The following ITGB8 variants were observed in gnomAD, a reference collection of about 807,000 sequenced individuals.
ITGB8 encodes the protein integrin subunit beta 8.
In ITGB8, 30 loss-of-function variants were observed where a neutral mutation model predicts 89.5. That is an observed-to-expected ratio of 0.34 (90% CI 0.25 to 0.45). The LOEUF (loss-of-function observed/expected upper bound fraction) is 0.45. ITGB8 is among the 20% of genes least tolerant of loss of function. The pLI, the probability that ITGB8 is intolerant of heterozygous loss-of-function variation, is 1.00. For missense variants in ITGB8, 836 were observed against 933.3 expected, an observed-to-expected ratio of 0.90 and a Z score of 1.36; for synonymous variants, 335 against 320.4, an observed-to-expected ratio of 1.05 and a Z score of -0.49.
intron 12 of ITGB8, 84 bp from the exon 13 acceptor site, chr7:20,409,531 G>T: frequency 1.2e-6 from 1 of 838,850 alleles, no homozygotes; most frequent in South Asian, 2.0e-5. Context: ...ACTATTAATT[G>T]AAGTGTGAAC....
chr7:20,376,630 T>C (rs1786158569), intron 3 of ITGB8, among the ~76,000 whole-genome samples: 1 of 152,130 alleles, frequency 6.6e-6, no homozygotes, highest in African/African-American at 2.4e-5. Context: ...CTAATGGGCA[T>C]GACATGGTAA....
intron 7 of ITGB8, among the ~76,000 whole-genome samples, chr7:20,391,980 C>A (rs997534602): frequency 6.6e-6 from 1 of 152,022 alleles, no homozygotes; most frequent in Non-Finnish European, 1.5e-5. Context: ...AAGGGGCCAT[C>A]GAAGTGTCTG....
intron 3 of ITGB8, among the ~76,000 whole-genome samples, chr7:20,368,836 C>T (rs17365098): frequency 0.27 from 40,306 of 151,892 alleles, 5,918 homozygotes; most frequent in Non-Finnish European, 0.32. Context: ...GGTTTGTAAT[C>T]CCAGTTTTTC....
chr7:20,401,682 A>G, intron 9 of ITGB8, 39 bp from the exon 10 acceptor site: 1 of 1,197,902 alleles, frequency 8.3e-7, no homozygotes, highest in South Asian at 1.7e-5. Context: ...AAAATAATTA[A>G]GGTATATAAA....
At chr7:20,394,659 T>C (rs1467961706) in intron 7 of ITGB8, among the ~76,000 whole-genome samples, 1 of 152,226 alleles carries the variant, frequency 6.6e-6, no homozygotes, top group Non-Finnish European at 1.5e-5. Context: ...GGTCATCAGG[T>C]ACAGTGATTC....
chr7:20,410,014 A>G lies in ITGB8; in HGVS notation c.*17A>G, dbSNP rs1787704467. The G allele has an allele frequency of 1.3e-6, 2 of 1,598,196 alleles. No individual in the cohort carries two copies. The highest frequency in any genetic ancestry group is 1.7e-6 in the Non-Finnish European group (2 of 1,173,904). On this transcript the variant is annotated 3_prime_UTR_variant, in exon 14 of 14. Coordinates refer to ENST00000222573, the MANE Select transcript of ITGB8 (RefSeq NM_002214.3). ...AACTTCTAAAAAAAGATTTTTAAAC[A>G]CTTAATGGGAAACTGGAATTGTTAA...
intron 9 of ITGB8, among the ~76,000 whole-genome samples, chr7:20,400,579 G>C (rs535229054): frequency 6.6e-6 from 1 of 152,094 alleles, no homozygotes; most frequent in Non-Finnish European, 1.5e-5. Context: ...TCAATCCAAC[G>C]TGAAAGAAAT....
At chr7:20,372,590 T>C (rs1785979146) in intron 3 of ITGB8, among the ~76,000 whole-genome samples, 1 of 151,950 alleles carries the variant, frequency 6.6e-6, no homozygotes, top group Admixed American at 6.6e-5. Flanking sequence ...GGGTTGGAGA[T>C]AGAAGAGAAA....
At chr7:20,387,724 A>G (rs1213179248) in intron 6 of ITGB8, among the ~76,000 whole-genome samples, 1 of 152,212 alleles carries the variant, frequency 6.6e-6, no homozygotes, top group Non-Finnish European at 1.5e-5. Context: ...CAAATAAAAA[A>G]TATATCCAGC....
intron 3 of ITGB8, among the ~76,000 whole-genome samples, chr7:20,378,563 C>A (rs571937695): frequency 6.6e-6 from 1 of 152,294 alleles, no homozygotes; most frequent in Non-Finnish European, 1.5e-5. Context: ...TACACTTTAA[C>A]CCAAAGGAAT....
chr7:20,334,088 A>G (rs1784499069), intron 1 of ITGB8, among the ~76,000 whole-genome samples: 2 of 152,176 alleles, frequency 1.3e-5, no homozygotes, highest in Non-Finnish European at 2.9e-5. Context: ...TAATTTTTAA[A>G]GCAGAATTTA....
At chr7:20,349,870 G>A (rs1173946631) in intron 1 of ITGB8, among the ~76,000 whole-genome samples, 1 of 152,008 alleles carries the variant, frequency 6.6e-6, no homozygotes, top group Admixed American at 6.6e-5. Flanking sequence ...AAACTTTATC[G>A]ATATAATGTA....
intron 1 of ITGB8, among the ~76,000 whole-genome samples, chr7:20,354,251 C>T (rs958051091): frequency 1.3e-5 from 2 of 152,160 alleles, no homozygotes; most frequent in African/African-American, 4.8e-5. Context: ...CACCTTTCCT[C>T]CCAGGAACTG....
At chr7:20,393,501 C>T (rs747887389) in intron 7 of ITGB8, among the ~76,000 whole-genome samples, 5 of 152,224 alleles carry the variant, frequency 3.3e-5, no homozygotes, top group African/African-American at 9.6e-5. Flanking sequence ...ATTGAAATCA[C>T]AAGTGTGACC....
At chr7:20,345,898 T>C (rs1377565274) in intron 1 of ITGB8, among the ~76,000 whole-genome samples, 1 of 152,148 alleles carries the variant, frequency 6.6e-6, no homozygotes, top group African/African-American at 2.4e-5. Context: ...GCAAAGATGA[T>C]GTGTGTATAT....
At chr7:20,376,262 G>C (rs1397662703) in intron 3 of ITGB8, among the ~76,000 whole-genome samples, 5 of 152,088 alleles carry the variant, frequency 3.3e-5, no homozygotes, top group African/African-American at 1.2e-4. Context: ...ACCACTGATG[G>C]GAAGTGGAGA....
chr7:20,386,233 C>G (rs942407227), intron 6 of ITGB8, among the ~76,000 whole-genome samples: 1 of 125,828 alleles, frequency 7.9e-6, no homozygotes, highest in Admixed American at 9.7e-5. Context: ...ATTGTAAACA[C>G]TATGAGAACA....
intron 7 of ITGB8, among the ~76,000 whole-genome samples, chr7:20,391,885 T>C (rs1786873366): frequency 6.6e-6 from 1 of 152,210 alleles, no homozygotes. Flanking sequence ...ATCCTCATAA[T>C]AGGTTAAAAT....
chr7:20,376,839 C>G (rs1048811655), intron 3 of ITGB8, among the ~76,000 whole-genome samples: 3 of 152,148 alleles, frequency 2.0e-5, no homozygotes, highest in Admixed American at 6.5e-5. Flanking sequence ...TACTCTTTTC[C>G]TCTTTATTAG....
Sources: gnomAD v4.1 joint callset for allele counts (sites outside exome capture counted in the v4.1 genomes callset) on GRCh38, gnomAD v4.1.1 for gene constraint, MANE v1.5 for transcripts, NCBI Gene and HGNC (gene_info 2026-07-23, HGNC 2026-07-21) for gene names.